Variants in HNRNPC observed in about 807,000 individuals in gnomAD.
The protein encoded by HNRNPC is heterogeneous nuclear ribonucleoprotein C.
HNRNPC carries 3 observed loss-of-function variants against 33.2 expected under a neutral mutation model. The ratio of observed to expected loss-of-function variants is 0.09; its 90% CI spans 0.04 to 0.23. HNRNPC has a LOEUF of 0.23. Ranked by LOEUF, HNRNPC falls within the 10% of genes least tolerant of loss-of-function variation. The pLI, the probability that HNRNPC is intolerant of heterozygous loss-of-function variation, is 1.00. For synonymous variants in HNRNPC, 121 were observed against 126.7 expected (o/e 0.96, Z 0.30); for missense variants, 143 against 366.7 (o/e 0.39, Z 4.98).
intron 2 of HNRNPC, among the ~76,000 whole-genome samples, chr14:21,235,190 T>G (rs1894557098): frequency 6.6e-6 from 1 of 152,208 alleles, no homozygotes; most frequent in South Asian, 2.1e-4. Context: ...TTTAGCATTT[T>G]GTTTCCTGCC....
At chr14:21,219,285 T>C (rs551077243) in intron 5 of HNRNPC, among the ~76,000 whole-genome samples, 1 of 152,318 alleles carries the variant, frequency 6.6e-6, no homozygotes, top group Non-Finnish European at 1.5e-5. Flanking sequence ...AACTGGGAAC[T>C]ATTTCTATCT....
chr14:21,224,780 CTCACAACTCAA>C (rs1008166107), intron 5 of HNRNPC, among the ~76,000 whole-genome samples: 12 of 152,252 alleles, frequency 7.9e-5, no homozygotes, highest in South Asian at 6.2e-4. Flanking sequence ...ATCAAGGCCC[CTCACAACTCAA>C]TCTTTGTTAC....
At chr14:21,246,601 A>G (rs118027358) in intron 2 of HNRNPC, among the ~76,000 whole-genome samples, 1 of 152,072 alleles carries the variant, frequency 6.6e-6, no homozygotes, top group Non-Finnish European at 1.5e-5. Context: ...ATAACAAATA[A>G]AAGTCTGCCA....
chr14:21,234,937 C>T (rs1034069643), intron 2 of HNRNPC: 1 of 145,610 alleles, frequency 6.9e-6, no homozygotes, highest in East Asian at 2.0e-4. Flanking sequence ...TTTATATAAC[C>T]TAAAATATAG....
At chr14:21,239,108 A>G (rs1274626074) in intron 2 of HNRNPC, among the ~76,000 whole-genome samples, 3 of 152,112 alleles carry the variant, frequency 2.0e-5, no homozygotes, top group East Asian at 1.9e-4. Flanking sequence ...TAGGCAACAG[A>G]AGGAGACACT....
chr14:21,246,956 A>AT (rs1247934845), intron 2 of HNRNPC, among the ~76,000 whole-genome samples: 2 of 152,222 alleles, frequency 1.3e-5, no homozygotes, highest in Non-Finnish European at 2.9e-5. Context: ...AGAATACAGT[A>AT]TATAATGTAT....
chr14:21,264,812 G>C (rs904405545), intron 1 of HNRNPC: 2 of 152,082 alleles, frequency 1.3e-5, no homozygotes, highest in African/African-American at 2.4e-5. Context: ...AGCACGGCTT[G>C]AGCTCAGTAG....
rs1891418900 is a variant in HNRNPC at position 21,209,659 on chromosome 14, CATAA to C, written c.*1560_*1563del. On this transcript the variant is annotated 3_prime_UTR_variant, in exon 9 of 9. Transcript: ENST00000553300. ...TACAGAAAATGATCTATAAAATCCTCATAAATAAGACATGAGTTTTGCCTGTAAT... is the reference window on the plus strand; with the variant it reads ...TACAGAAAATGATCTATAAAATCCTCATAAGACATGAGTTTTGCCTGTAAT... The C allele has an allele frequency of 6.6e-6, 1 of 152,234 alleles. No individual in the cohort carries two copies. The highest frequency in any genetic ancestry group is 1.9e-4 in the East Asian group (1 of 5,184). 9.4% of individuals were successfully genotyped at this position (152,234 alleles called of 1,614,324 possible).
intron 2 of HNRNPC, among the ~76,000 whole-genome samples, chr14:21,249,097 A>C (rs1896326598): frequency 6.6e-6 from 1 of 152,220 alleles, no homozygotes; most frequent in African/African-American, 2.4e-5. Context: ...ATTTTTCTCA[A>C]CTTTTCACTA....
chr14:21,231,151 T>C lies in HNRNPC; in HGVS notation c.242-79A>G. On this transcript the variant is annotated intron_variant, in intron 3 of 8. Transcript: ENST00000553300. Reference sequence around the variant, plus strand: ...ACTACAAAGTTTATTTTTTTTATTTTTGAGACATAGTTTCGCTTTCTCGCT... The same window carrying C: ...ACTACAAAGTTTATTTTTTTTATTTCTGAGACATAGTTTCGCTTTCTCGCT... 3.5e-6 allele frequency: 5 copies of C among 1,417,918 alleles called. No homozygotes were observed. In the South Asian group the frequency reaches 6.1e-5, roughly 17 times the overall value. The allele number at this position is 1,417,918 out of a possible 1,614,324, so 87.8% of individuals were successfully genotyped here.
Position 21,218,340 on chromosome 14 carries a change from A to AC in HNRNPC, c.366-5224dup, listed in dbSNP as rs1181833539. 9.9e-5 allele frequency among the ~76,000 whole-genome samples: 15 copies of AC among 152,152 alleles called. No individual in the cohort carries two copies. In the South Asian group the frequency reaches 3.1e-3, roughly 32 times the overall value. On this transcript the variant is annotated intron_variant, in intron 5 of 8. Transcript: ENST00000553300. ...CTCCCATATGTCAGTGTTGATCTTT[A>AC]CCAAAGATAAAATTTTAAACTGACA... is the stretch of plus-strand genomic sequence containing the variant.
At chr14:21,223,839 C>T (rs1893122742) in intron 5 of HNRNPC, among the ~76,000 whole-genome samples, 1 of 152,100 alleles carries the variant, frequency 6.6e-6, no homozygotes, top group African/African-American at 2.4e-5. Flanking sequence ...CTTCTGGCAC[C>T]TATATGTATG....
chr14:21,243,485 A>G (rs1033380304), intron 2 of HNRNPC, among the ~76,000 whole-genome samples: 3 of 152,232 alleles, frequency 2.0e-5, no homozygotes, highest in Non-Finnish European at 2.9e-5. Flanking sequence ...AGATTCAAAA[A>G]TGATATACAC....
intron 5 of HNRNPC, among the ~76,000 whole-genome samples, chr14:21,221,571 A>G (rs1424240614): frequency 6.6e-6 from 1 of 152,242 alleles, no homozygotes; most frequent in Non-Finnish European, 1.5e-5. Context: ...GCACAAATGG[A>G]TAGTTACATA....
intron 1 of HNRNPC, among the ~76,000 whole-genome samples, chr14:21,268,920 A>T (rs1179853489): frequency 6.6e-6 from 1 of 151,858 alleles, no homozygotes; most frequent in Non-Finnish European, 1.5e-5. Context: ...CACTTTTTAC[A>T]TGTAAGAAGA....
At chr14:21,251,727 T>C (rs1342607043) in intron 2 of HNRNPC, among the ~76,000 whole-genome samples, 1 of 152,050 alleles carries the variant, frequency 6.6e-6, no homozygotes, top group African/African-American at 2.4e-5. Context: ...ATTTTAGAAA[T>C]ACTATGCTTT....
At chr14:21,237,559 C>A (rs1232708010) in intron 2 of HNRNPC, among the ~76,000 whole-genome samples, 1 of 152,172 alleles carries the variant, frequency 6.6e-6, no homozygotes, top group Non-Finnish European at 1.5e-5. Context: ...CTACAAGTGG[C>A]AATACCTTTT....
At chr14:21,213,627 A>C (rs1312142675) in intron 5 of HNRNPC, among the ~76,000 whole-genome samples, 1 of 152,246 alleles carries the variant, frequency 6.6e-6, no homozygotes, top group Non-Finnish European at 1.5e-5. Context: ...ACAACTAGTG[A>C]TATAAGGTTG....
chr14:21,244,924 A>C (rs1004268662), intron 2 of HNRNPC, among the ~76,000 whole-genome samples: 5 of 151,954 alleles, frequency 3.3e-5, no homozygotes, highest in African/African-American at 1.2e-4. Context: ...GTCTCTACTA[A>C]AATAACAAAA....
Sources: allele counts gnomAD v4.1 joint callset (sites outside exome capture counted in the v4.1 genomes callset), GRCh38; gene constraint gnomAD v4.1.1; transcripts MANE v1.5; gene names NCBI Gene and HGNC (gene_info 2026-07-23, HGNC 2026-07-21).